The following ERO1B variants were observed in gnomAD, a reference collection of about 807,000 sequenced individuals.
ERO1B encodes the protein ERO1-like protein beta.
Under a neutral mutation model 75.3 loss-of-function variants are expected in ERO1B, and 49 were observed. The ratio of observed to expected loss-of-function variants is 0.65; its 90% CI spans 0.52 to 0.83. The LOEUF (loss-of-function observed/expected upper bound fraction) is 0.83. ERO1B is among the 40% of genes least tolerant of loss of function. ERO1B has a pLI of 0.00. For synonymous variants in ERO1B, 191 were observed against 192.9 expected (o/e 0.99, Z 0.08); for missense variants, 512 against 560.1 (o/e 0.91, Z 0.87).
chr1:236,260,171 G>A (rs1162424161), intron 2 of ERO1B, among the ~76,000 whole-genome samples: 1 of 151,982 alleles, frequency 6.6e-6, no homozygotes, highest in Non-Finnish European at 1.5e-5. Flanking sequence ...GAATTAAAGA[G>A]GAGACATTAC....
intron 6 of ERO1B, among the ~76,000 whole-genome samples, chr1:236,239,911 A>ATATTTTTTTTTTTT (rs1553371310): frequency 9.3e-6 from 1 of 106,962 alleles, no homozygotes; most frequent in African/African-American, 4.1e-5. Context: ...ATATATATAT[A>ATATTTTTTTTTTTT]TTTTTTTTTT....
intron 6 of ERO1B, among the ~76,000 whole-genome samples, chr1:236,239,909 A>ATTTTTTTTTTTTTT (rs1345692165): frequency 3.7e-5 from 4 of 106,960 alleles, no homozygotes; most frequent in African/African-American, 1.4e-4. Flanking sequence ...ATATATATAT[A>ATTTTTTTTTTTTTT]TATTTTTTTT....
intron 3 of ERO1B, 66 bp from the exon 4 acceptor site, chr1:236,252,157 G>T: frequency 1.9e-6 from 2 of 1,049,170 alleles, no homozygotes; most frequent in South Asian, 1.3e-5. Context: ...ATTTCTTCAC[G>T]AATTGTCAAT....
Position 236,226,442 on chromosome 1 carries a change from C to T in ERO1B, c.879G>A (p.Lys293=), listed in dbSNP as rs536066281. The T allele has an allele frequency of 1.2e-6, 2 of 1,613,976 alleles. No individual in the cohort carries two copies. Among genetic ancestry groups the T allele is most frequent in the African/African-American group, 1.3e-5 (1 of 74,916 alleles). Residue 293 remains lysine, a synonymous_variant, in exon 12 of 16, where the codon AAG becomes AAA. Transcript: ENST00000354619. ...TCTTGAGCCTTCTTGGACCTTCTCC[C>T]TTGGTTTCCACAGGGTCAAAGCGGT... is the stretch of plus-strand genomic sequence containing the variant. ...FKHRFDPVET[K]GEGPRRLKNL... is the part of the protein sequence containing the mutation.
At chr1:236,221,077 G>A in intron 14 of ERO1B, 112 bp from the exon 15 acceptor site, 1 of 778,150 alleles carries the variant, frequency 1.3e-6, no homozygotes, top group Admixed American at 4.0e-5. Flanking sequence ...CATATGAACT[G>A]AGCTTTTCAC....
chr1:236,221,841 G>T, intron 14 of ERO1B, 83 bp downstream of exon 14: 1 of 1,010,930 alleles, frequency 9.9e-7, no homozygotes, highest in Non-Finnish European at 1.5e-6. Context: ...AATGAACAAT[G>T]AGGACATTTT....
chr1:236,268,680 A>G (rs1451191642), intron 2 of ERO1B, among the ~76,000 whole-genome samples: 1 of 151,614 alleles, frequency 6.6e-6, no homozygotes, highest in African/African-American at 2.4e-5. Flanking sequence ...AGGTCAGGAG[A>G]TCAAGACCAT....
chr1:236,227,180 T>C (rs1212205945), intron 10 of ERO1B, among the ~76,000 whole-genome samples: 1 of 152,132 alleles, frequency 6.6e-6, no homozygotes, highest in Non-Finnish European at 1.5e-5. Flanking sequence ...TGCCCTGAAA[T>C]TGTCTAATTT....
At chr1:236,235,182 A>G (rs1664510536) in intron 8 of ERO1B, among the ~76,000 whole-genome samples, 1 of 152,234 alleles carries the variant, frequency 6.6e-6, no homozygotes, top group African/African-American at 2.4e-5. Context: ...GAGCACTGCT[A>G]AAGTTTCTAA....
intron 1 of ERO1B, among the ~76,000 whole-genome samples, chr1:236,274,532 G>C (rs1176241499): frequency 6.6e-6 from 1 of 151,900 alleles, no homozygotes; most frequent in African/African-American, 2.4e-5. Context: ...TATTCTTTTA[G>C]AACTCCAATT....
At chr1:236,268,698 A>T (rs892735498) in intron 2 of ERO1B, among the ~76,000 whole-genome samples, 1 of 151,514 alleles carries the variant, frequency 6.6e-6, no homozygotes, top group Non-Finnish European at 1.5e-5. Context: ...CATCCTGGCT[A>T]ACATGGTGAA....
chr1:236,258,098 AAAG>A (rs1271331979), intron 2 of ERO1B, among the ~76,000 whole-genome samples: 1 of 148,098 alleles, frequency 6.8e-6, no homozygotes, highest in Admixed American at 6.8e-5. Flanking sequence ...TGAAAGAAAG[AAAG>A]AAGGACAGAA....
chr1:236,222,844 A>G (rs186176833), intron 13 of ERO1B, among the ~76,000 whole-genome samples: 28 of 152,324 alleles, frequency 1.8e-4, no homozygotes, highest in Middle Eastern at 3.4e-3. Context: ...ATGGTCCCAC[A>G]GTCCTCTACA....
intron 1 of ERO1B, among the ~76,000 whole-genome samples, chr1:236,274,662 A>G (rs1665670590): frequency 6.6e-6 from 1 of 151,964 alleles, no homozygotes. Context: ...TCTTCCATTC[A>G]CTTATTCATT....
chr1:236,241,770 TA>T (rs202069732), intron 6 of ERO1B, among the ~76,000 whole-genome samples: 4 of 149,936 alleles, frequency 2.7e-5, no homozygotes, highest in Non-Finnish European at 5.9e-5. Flanking sequence ...ACTAATATTT[TA>T]AAAAATAGTT....
At chr1:236,255,598 A>T (rs983921875) in intron 2 of ERO1B, among the ~76,000 whole-genome samples, 1 of 152,204 alleles carries the variant, frequency 6.6e-6, no homozygotes, top group African/African-American at 2.4e-5. Context: ...GAAGGCAAAA[A>T]TAGGTAGATT....
In ERO1B at chr1:236,226,192, A is replaced by G. The variant is rs2102940340; in HGVS notation, c.1052+77T>C. The stretch of plus-strand genomic sequence containing the variant: ...TCCCCTCGGTTAACTTTTAGGAGTC[A>G]GTTTTTGTGTACTTTAAGTGCTACC... On this transcript the variant is annotated intron_variant, in intron 12 of 15. Coordinates refer to ENST00000354619, the MANE Select transcript of ERO1B (RefSeq NM_019891.4). 7 of 1,456,898 alleles carry G rather than the reference A, an allele frequency of 4.8e-6. No homozygotes were observed. The South Asian group carries it at 7.8e-5, about 16-fold the overall frequency. 90.2% of individuals were successfully genotyped at this position (1,456,898 alleles called of 1,614,324 possible). A position where few individuals can be genotyped will look rare whatever the true frequency, so the allele number is the denominator to read the frequency against.
chr1:236,271,215 A>C (rs556500463), intron 1 of ERO1B, among the ~76,000 whole-genome samples: 2 of 152,286 alleles, frequency 1.3e-5, no homozygotes, highest in Non-Finnish European at 2.9e-5. Context: ...TTTTCAAAAA[A>C]ACAAAAAATG....
chr1:236,234,013 A>C (rs769706335), intron 8 of ERO1B, among the ~76,000 whole-genome samples: 7 of 152,220 alleles, frequency 4.6e-5, no homozygotes, highest in Non-Finnish European at 1.0e-4. Flanking sequence ...GTTAGAAAAT[A>C]GTTGTATAAG....
Sources: allele counts gnomAD v4.1 joint callset (sites outside exome capture counted in the v4.1 genomes callset), GRCh38; gene constraint gnomAD v4.1.1; transcripts MANE v1.5; gene names NCBI Gene and HGNC (gene_info 2026-07-23, HGNC 2026-07-21).